CADM1: variants seen among roughly 807,000 people sequenced by gnomAD.
CADM1 encodes TSLC-1.
In CADM1, 15 loss-of-function variants were observed where a neutral mutation model predicts 53.1. The ratio of observed to expected loss-of-function variants is 0.28; its 90% CI spans 0.19 to 0.44. CADM1 has a LOEUF of 0.44. Ranked by LOEUF, CADM1 falls within the 20% of genes least tolerant of loss-of-function variation. CADM1 has a pLI of 1.00. For missense variants in CADM1, 434 were observed against 611.3 expected, an observed-to-expected ratio of 0.71 and a Z score of 3.06; for synonymous variants, 281 against 243.0, an observed-to-expected ratio of 1.16 and a Z score of -1.45.
intron 1 of CADM1, among the ~76,000 whole-genome samples, chr11:115,474,363 C>T (rs944966502): frequency 6.7e-6 from 1 of 149,564 alleles, no homozygotes; most frequent in Non-Finnish European, 1.5e-5. Context: ...ATATTCATAT[C>T]GCAAATAAGC....
At chr11:115,380,563 C>A (rs1169625335) in intron 1 of CADM1, among the ~76,000 whole-genome samples, 1 of 152,166 alleles carries the variant, frequency 6.6e-6, no homozygotes, top group African/African-American at 2.4e-5. Context: ...TTTTTCTATT[C>A]TCTACCACCA....
At chr11:115,226,506 T>C (rs1941613747) in intron 5 of CADM1, among the ~76,000 whole-genome samples, 1 of 152,144 alleles carries the variant, frequency 6.6e-6, no homozygotes, top group Admixed American at 6.5e-5. Context: ...TGAGTCAACA[T>C]TAAAATACAG....
At chr11:115,287,744 C>T (rs565284091) in intron 1 of CADM1, among the ~76,000 whole-genome samples, 2 of 152,314 alleles carry the variant, frequency 1.3e-5, no homozygotes, top group East Asian at 1.9e-4. Flanking sequence ...GAAAGGTTAA[C>T]CTAACCATTT....
intron 1 of CADM1, among the ~76,000 whole-genome samples, chr11:115,393,713 T>G (rs2135190344): frequency 6.6e-6 from 1 of 152,252 alleles, no homozygotes; most frequent in South Asian, 2.1e-4. Flanking sequence ...AATCTGAAAT[T>G]TGACAAGGGA....
At chr11:115,243,562 G>C (rs1942313225) in intron 1 of CADM1, among the ~76,000 whole-genome samples, 1 of 152,180 alleles carries the variant, frequency 6.6e-6, no homozygotes, top group Non-Finnish European at 1.5e-5. Context: ...CAAAGGAAGT[G>C]AATGACAGTG....
intron 3 of CADM1, among the ~76,000 whole-genome samples, chr11:115,233,247 T>C (rs753631742): frequency 2.0e-5 from 3 of 152,182 alleles, no homozygotes; most frequent in South Asian, 2.1e-4. Flanking sequence ...GCTAATATGA[T>C]ATGGCCCAAA....
intron 8 of CADM1, chr11:115,207,325 G>C (rs1383554756): frequency 6.6e-6 from 1 of 152,192 alleles, no homozygotes; most frequent in Non-Finnish European, 1.5e-5. Flanking sequence ...TCCAGTAGCA[G>C]AGAGACAGAA....
At chr11:115,421,009 A>G (rs1023546119) in intron 1 of CADM1, among the ~76,000 whole-genome samples, 3 of 152,180 alleles carry the variant, frequency 2.0e-5, no homozygotes, top group African/African-American at 7.2e-5. Context: ...TTGTGCAGGG[A>G]TGTTTTTTAA....
intron 1 of CADM1, among the ~76,000 whole-genome samples, chr11:115,412,019 C>G (rs898391424): frequency 6.6e-6 from 1 of 152,000 alleles, no homozygotes; most frequent in Non-Finnish European, 1.5e-5. Flanking sequence ...ACACATAAAG[C>G]TTGAAAATAT....
chr11:115,379,230 TAAG>T (rs1169563089), intron 1 of CADM1, among the ~76,000 whole-genome samples: 1 of 152,242 alleles, frequency 6.6e-6, no homozygotes, highest in Non-Finnish European at 1.5e-5. Flanking sequence ...TTAGGGTTGC[TAAG>T]ATTATCTGGC....
At chr11:115,450,801 C>T (rs1056195038) in intron 1 of CADM1, among the ~76,000 whole-genome samples, 12 of 152,150 alleles carry the variant, frequency 7.9e-5, no homozygotes, top group African/African-American at 2.9e-4. Flanking sequence ...TCTCAAATAA[C>T]GATCATCTTT....
chr11:115,414,323 C>T (rs1048629964), intron 1 of CADM1, among the ~76,000 whole-genome samples: 6 of 151,786 alleles, frequency 4.0e-5, no homozygotes, highest in Admixed American at 2.6e-4. Context: ...CATTTAAGCC[C>T]CCATAGTTAG....
intron 1 of CADM1, among the ~76,000 whole-genome samples, chr11:115,328,457 T>C: frequency 6.6e-6 from 1 of 151,606 alleles, no homozygotes; most frequent in East Asian, 2.0e-4. Context: ...ATACATGTCT[T>C]CATTCCTTCA....
chr11:115,394,994 T>C (rs1042491417), intron 1 of CADM1, among the ~76,000 whole-genome samples: 23 of 152,170 alleles, frequency 1.5e-4, no homozygotes, highest in Non-Finnish European at 2.9e-5. Flanking sequence ...TGGCATAAAG[T>C]AGGAAGGGGC....
chr11:115,174,219 A>T lies in CADM1; in HGVS notation c.*2255T>A, dbSNP rs909202569. 2.0e-6 allele frequency: 2 copies of T among 985,268 alleles called. No individual in the cohort carries two copies. The highest frequency in any genetic ancestry group is 9.4e-5 in the South Asian group (2 of 21,290). The allele number at this position is 985,268 out of a possible 1,614,324, so 61.0% of individuals were successfully genotyped here. A position where few individuals can be genotyped will look rare whatever the true frequency, so the allele number is the denominator to read the frequency against. On this transcript the variant is annotated 3_prime_UTR_variant, in exon 12 of 12. Coordinates refer to ENST00000331581, the MANE Select transcript of CADM1 (RefSeq NM_001301043.2). ...ACTGTACACTTTTCAAAACAGAAAG[A>T]TGGGAGGTCCCAAAAATGAGATGCC...
chr11:115,270,164 C>T (rs531138765), intron 1 of CADM1, among the ~76,000 whole-genome samples: 18 of 152,274 alleles, frequency 1.2e-4, no homozygotes, highest in African/African-American at 4.1e-4. Flanking sequence ...AAAGAGAATA[C>T]GCAGACACAC....
intron 1 of CADM1, among the ~76,000 whole-genome samples, chr11:115,309,088 A>G (rs1440451515): frequency 6.6e-6 from 1 of 152,052 alleles, no homozygotes; most frequent in African/African-American, 2.4e-5. Flanking sequence ...TGGGGTTTCA[A>G]TTTTCTTTTA....
intron 1 of CADM1, among the ~76,000 whole-genome samples, chr11:115,303,130 A>C (rs989547109): frequency 6.6e-6 from 1 of 152,020 alleles, no homozygotes; most frequent in African/African-American, 2.4e-5. Flanking sequence ...TGGTACAAAA[A>C]AGCCAGCCAA....
chr11:115,453,016 A>G (rs117372828), intron 1 of CADM1, among the ~76,000 whole-genome samples: 1 of 152,300 alleles, frequency 6.6e-6, no homozygotes, highest in Non-Finnish European at 1.5e-5. Flanking sequence ...TTATCTAACT[A>G]ACCAGGTAGA....
Sources: allele counts gnomAD v4.1 joint callset (sites outside exome capture counted in the v4.1 genomes callset), GRCh38; gene constraint gnomAD v4.1.1; transcripts MANE v1.5; gene names NCBI Gene and HGNC (gene_info 2026-07-23, HGNC 2026-07-21).